RHOH: variants seen among roughly 807,000 people sequenced by gnomAD.
The protein encoded by RHOH is rho-related GTP-binding protein RhoH.
Under a neutral mutation model 13.8 loss-of-function variants are expected in RHOH, and 6 were observed. That is an observed-to-expected ratio of 0.44 (90% CI 0.24 to 0.86). The LOEUF (loss-of-function observed/expected upper bound fraction) is 0.86, where lower values mean the gene tolerates loss of function less well. RHOH is among the 40% of genes least tolerant of loss of function. The pLI is 0.24. For missense variants in RHOH, 147 were observed against 244.5 expected (o/e 0.60, Z 2.66); for synonymous variants, 117 against 103.0 (o/e 1.14, Z -0.82).
At chr4:40,203,280 A>G (rs1248429055) in intron 1 of RHOH, among the ~76,000 whole-genome samples, 3 of 152,180 alleles carry the variant, frequency 2.0e-5, no homozygotes, top group South Asian at 2.1e-4. Flanking sequence ...CCAGTTCTCA[A>G]GTTTTAGTGT....
chr4:40,234,657 G>C (rs1008029482), intron 1 of RHOH, among the ~76,000 whole-genome samples: 1 of 151,302 alleles, frequency 6.6e-6, no homozygotes, highest in Non-Finnish European at 1.5e-5. Flanking sequence ...CTATAAAGGG[G>C]TTTAATATGC....
At chr4:40,195,706 A>G (rs979452107), upstream of RHOH, among the ~76,000 whole-genome samples, 44 of 152,174 alleles carry the variant, frequency 2.9e-4, no homozygotes, top group Non-Finnish European at 5.6e-4. Flanking sequence ...TCAGCCTCCT[A>G]AAGTGCTGGC....
upstream of RHOH, among the ~76,000 whole-genome samples, chr4:40,194,856 C>T (rs1477156451): frequency 9.2e-5 from 14 of 152,196 alleles, no homozygotes; most frequent in East Asian, 1.9e-4. Flanking sequence ...AACCACCTCA[C>T]GGACTTGTGG....
intron 1 of RHOH, among the ~76,000 whole-genome samples, chr4:40,223,691 C>T (rs1400750376): frequency 6.6e-6 from 1 of 150,558 alleles, no homozygotes; most frequent in African/African-American, 2.4e-5. Context: ...GTATTGTTAG[C>T]ATTTTTAAGC....
intron 1 of RHOH, among the ~76,000 whole-genome samples, chr4:40,211,897 C>T (rs141218206): frequency 4.2e-4 from 64 of 152,288 alleles, no homozygotes; most frequent in African/African-American, 1.5e-3. Flanking sequence ...CCTTCCTTCT[C>T]GAATTGTGAT....
At chr4:40,205,469 A>G (rs1328358405) in intron 1 of RHOH, among the ~76,000 whole-genome samples, 1 of 152,244 alleles carries the variant, frequency 6.6e-6, no homozygotes, top group Non-Finnish European at 1.5e-5. Context: ...GAAGCTGAAC[A>G]TCTGGTTGGG....
chr4:40,219,159 C>A (rs1428774938), intron 1 of RHOH, among the ~76,000 whole-genome samples: 2 of 152,036 alleles, frequency 1.3e-5, no homozygotes, highest in African/African-American at 2.4e-5. Flanking sequence ...CGCCTGTAAT[C>A]CTAGCACTTT....
intron 1 of RHOH, among the ~76,000 whole-genome samples, chr4:40,213,361 T>TC (rs372394517): frequency 0.11 from 6,062 of 54,490 alleles, 259 homozygotes; most frequent in Middle Eastern, 0.18. Context: ...CTCGTTTCTC[T>TC]TTTTTTTTTT....
chr4:40,226,400 C>T (rs748176385), intron 1 of RHOH, among the ~76,000 whole-genome samples: 8 of 152,002 alleles, frequency 5.3e-5, no homozygotes, highest in Non-Finnish European at 1.2e-4. Context: ...GTGGCGCATG[C>T]CTGTTATTCC....
intron 1 of RHOH, among the ~76,000 whole-genome samples, 187 bp downstream of exon 1, chr4:40,197,487 C>T (rs566102346): frequency 6.6e-6 from 1 of 152,244 alleles, no homozygotes; most frequent in African/African-American, 2.4e-5. Flanking sequence ...CTGCCCCTCA[C>T]CACAGTCCTA....
chr4:40,216,683 G>A (rs915782517), intron 1 of RHOH, among the ~76,000 whole-genome samples: 1 of 152,092 alleles, frequency 6.6e-6, no homozygotes, highest in Non-Finnish European at 1.5e-5. Context: ...GTAGGTATAT[G>A]TTTCTTTGAA....
intron 1 of RHOH, among the ~76,000 whole-genome samples, chr4:40,211,150 C>T (rs147119937): frequency 1.1e-4 from 16 of 152,144 alleles, no homozygotes; most frequent in African/African-American, 3.4e-4. Flanking sequence ...TGTCTTATTT[C>T]GATGTATATC....
At chr4:40,195,399 TTCC>T, upstream of RHOH, among the ~76,000 whole-genome samples, 1 of 142,736 alleles carries the variant, frequency 7.0e-6, no homozygotes, top group East Asian at 2.0e-4. Flanking sequence ...CCTTCCTTCC[TTCC>T]TTCCTTCCTT....
At chr4:40,216,127 A>G (rs1579273204) in intron 1 of RHOH, among the ~76,000 whole-genome samples, 1 of 137,122 alleles carries the variant, frequency 7.3e-6, no homozygotes, top group South Asian at 2.4e-4. Flanking sequence ...TTTTGGCCTG[A>G]CAGTTGCTAT....
chr4:40,219,361 G>A (rs192742820), intron 1 of RHOH, among the ~76,000 whole-genome samples: 2,048 of 147,710 alleles, frequency 0.014, 48 homozygotes, highest in African/African-American at 0.049. Flanking sequence ...GCAGTGAGCC[G>A]AGATCGCACC....
upstream of RHOH, among the ~76,000 whole-genome samples, chr4:40,195,565 A>G (rs1043748818): frequency 2.6e-5 from 4 of 151,772 alleles, no homozygotes; most frequent in Non-Finnish European, 5.9e-5. Flanking sequence ...GGTTCAAGCA[A>G]TCCTCCTGCC....
At chr4:40,212,973 A>G (rs1725442469) in intron 1 of RHOH, among the ~76,000 whole-genome samples, 1 of 152,230 alleles carries the variant, frequency 6.6e-6, no homozygotes, top group South Asian at 2.1e-4. Flanking sequence ...TGAGTCCCTA[A>G]TAATCTCAGA....
Position 40,201,762 on chromosome 4 carries a change from A to G in RHOH, c.-331+4462A>G, listed in dbSNP as rs116200719. Among the ~76,000 whole-genome samples the G allele has an allele frequency of 5.6e-3, 848 of 152,218 alleles. 5 individuals carry two copies. The highest frequency in any genetic ancestry group is 8.5e-3 in the Non-Finnish European group (579 of 68,024). ...TGGCAATTTGACGATATGTATCAAGAGCCATTAAAGTGTTCATACACTTTG... is the reference window on the plus strand; with the variant it reads ...TGGCAATTTGACGATATGTATCAAGGGCCATTAAAGTGTTCATACACTTTG... On this transcript the variant is annotated intron_variant, in intron 1 of 2. Coordinates refer to ENST00000381799, the MANE Select transcript of RHOH (RefSeq NM_004310.5).
At chr4:40,229,419 T>A (rs1273237942) in intron 1 of RHOH, among the ~76,000 whole-genome samples, 1 of 152,086 alleles carries the variant, frequency 6.6e-6, no homozygotes, top group Non-Finnish European at 1.5e-5. Flanking sequence ...GTGGATCACC[T>A]GAGGTCGGGA....
Sources: allele counts gnomAD v4.1 joint callset (sites outside exome capture counted in the v4.1 genomes callset), GRCh38; gene constraint gnomAD v4.1.1; transcripts MANE v1.5; gene names NCBI Gene and HGNC (gene_info 2026-07-23, HGNC 2026-07-21).